The following HDAC9 variants were observed in gnomAD, a reference collection of about 807,000 sequenced individuals.
HDAC9 encodes the protein MEF-2 interacting transcription repressor (MITR) protein.
A neutral mutation model predicts 139.4 loss-of-function variants in HDAC9; 41 were observed. The ratio of observed to expected loss-of-function variants is 0.29; its 90% CI spans 0.23 to 0.38. HDAC9 has a LOEUF of 0.38. HDAC9 is among the 10% of genes least tolerant of loss of function. HDAC9 has a pLI of 1.00. For synonymous variants in HDAC9, 517 were observed against 476.2 expected, an observed-to-expected ratio of 1.09 and a Z score of -1.12; for missense variants, 1,147 against 1,297.0, an observed-to-expected ratio of 0.88 and a Z score of 1.78.
intron 6 of HDAC9, among the ~76,000 whole-genome samples, chr7:18,599,467 T>TC (rs1833365466): frequency 6.6e-6 from 1 of 152,130 alleles, no homozygotes; most frequent in South Asian, 2.1e-4. Context: ...CTATTCATCC[T>TC]CCCCCCACCC....
At chr7:18,542,329 C>T (rs1813262287) in intron 2 of HDAC9, among the ~76,000 whole-genome samples, 1 of 152,180 alleles carries the variant, frequency 6.6e-6, no homozygotes, top group Non-Finnish European at 1.5e-5. Flanking sequence ...CTCTATACCT[C>T]AATTTCCTCA....
At chr7:18,392,562 C>T (rs1786632549) in intron 1 of HDAC9, among the ~76,000 whole-genome samples, 1 of 151,614 alleles carries the variant, frequency 6.6e-6, no homozygotes, top group African/African-American at 2.4e-5. Flanking sequence ...AAATCCTGTT[C>T]TCACTCTGGC....
intron 17 of HDAC9, among the ~76,000 whole-genome samples, chr7:18,825,614 A>G (rs1314762468): frequency 6.6e-6 from 1 of 151,898 alleles, no homozygotes; most frequent in Non-Finnish European, 1.5e-5. Context: ...AGGACAGACC[A>G]CCTTTTCAAG....
intron 12 of HDAC9, among the ~76,000 whole-genome samples, chr7:18,701,601 G>A (rs1187628136): frequency 1.3e-5 from 2 of 152,094 alleles, no homozygotes; most frequent in Non-Finnish European, 2.9e-5. Flanking sequence ...AAAATACAAT[G>A]CTGTTTCAAA....
intron 17 of HDAC9, among the ~76,000 whole-genome samples, chr7:18,793,832 G>T (rs1792546380): frequency 1.3e-5 from 2 of 152,162 alleles, no homozygotes; most frequent in Non-Finnish European, 2.9e-5. Flanking sequence ...TATAAGCTCA[G>T]AATACCACCC....
intron 1 of HDAC9, chr7:18,151,751 TATC>T (rs1179525268): frequency 6.6e-6 from 1 of 152,200 alleles, no homozygotes; most frequent in Non-Finnish European, 1.5e-5. Context: ...TACAACAAAC[TATC>T]ATCATGTTAC....
At chr7:18,972,021 A>G (rs149165556) in intron 24 of HDAC9, among the ~76,000 whole-genome samples, 1 of 152,354 alleles carries the variant, frequency 6.6e-6, no homozygotes, top group East Asian at 1.9e-4. Flanking sequence ...GTTGAGAAAT[A>G]AGACCCAATG....
intron 22 of HDAC9, among the ~76,000 whole-genome samples, chr7:18,933,512 G>A (rs1025672741): frequency 6.6e-6 from 1 of 151,958 alleles, no homozygotes; most frequent in Non-Finnish European, 1.5e-5. Context: ...TTGGAGGTTA[G>A]AATTTCCATA....
intron 1 of HDAC9, among the ~76,000 whole-genome samples, chr7:18,116,348 T>A (rs1321333823): frequency 6.6e-6 from 1 of 152,196 alleles, no homozygotes; most frequent in Non-Finnish European, 1.5e-5. Flanking sequence ...TTGCTAAAAT[T>A]TTTTGAAAAG....
At chr7:18,757,832 T>C (rs1789019202) in intron 14 of HDAC9, among the ~76,000 whole-genome samples, 1 of 152,152 alleles carries the variant, frequency 6.6e-6, no homozygotes. Flanking sequence ...ATAATCGGGA[T>C]GCATTAACGG....
intron 1 of HDAC9, among the ~76,000 whole-genome samples, chr7:18,320,025 T>C (rs1799919012): frequency 6.6e-6 from 1 of 152,132 alleles, no homozygotes; most frequent in Non-Finnish European, 1.5e-5. Flanking sequence ...GAACTAAAGA[T>C]TTTTTTTCAC....
At chr7:18,143,317 C>T (rs1786048085) in intron 1 of HDAC9, among the ~76,000 whole-genome samples, 1 of 152,156 alleles carries the variant, frequency 6.6e-6, no homozygotes, top group Non-Finnish European at 1.5e-5. Context: ...ACACAACTGA[C>T]TACATTAAGA....
intron 2 of HDAC9, among the ~76,000 whole-genome samples, chr7:18,257,803 A>G (rs773459891): frequency 2.0e-5 from 3 of 152,250 alleles, no homozygotes; most frequent in Non-Finnish European, 4.4e-5. Context: ...ATACATGTTT[A>G]TAATGCTTTG....
In HDAC9 at chr7:18,864,478, T is replaced by C. The variant is rs539390761; in HGVS notation, c.2685-10000T>C. ...AAAATGGGGAGTTGCTCAAAGGATATAAAGTTTCAGTTATGTAGGATGATG... is the reference window on the plus strand; with the variant it reads ...AAAATGGGGAGTTGCTCAAAGGATACAAAGTTTCAGTTATGTAGGATGATG... On this transcript the variant is annotated intron_variant, in intron 21 of 25. Transcript: ENST00000686413. Among the ~76,000 whole-genome samples the C allele has an allele frequency of 8.5e-5, 13 of 152,158 alleles. No individual in the cohort carries two copies. In the South Asian group the frequency reaches 1.7e-3, roughly 20 times the overall value.
At chr7:18,656,467 G>A (rs1299770562) in intron 11 of HDAC9, among the ~76,000 whole-genome samples, 1 of 152,036 alleles carries the variant, frequency 6.6e-6, no homozygotes, top group Non-Finnish European at 1.5e-5. Flanking sequence ...TCTATCAAAT[G>A]CATAGCTCAC....
intron 1 of HDAC9, among the ~76,000 whole-genome samples, chr7:18,349,305 TCTACAC>T (rs1782665535): frequency 1.0e-5 from 1 of 96,944 alleles, no homozygotes; most frequent in Non-Finnish European, 1.9e-5. Context: ...CTTGAGAACA[TCTACAC>T]ACACACACAC....
intron 22 of HDAC9, among the ~76,000 whole-genome samples, chr7:18,909,204 T>G (rs1441136472): frequency 6.6e-6 from 1 of 152,088 alleles, no homozygotes; most frequent in Non-Finnish European, 1.5e-5. Flanking sequence ...TTTTAAGAAA[T>G]GATTATTCTG....
intron 22 of HDAC9, among the ~76,000 whole-genome samples, chr7:18,898,620 G>A (rs1055789831): frequency 6.6e-6 from 1 of 151,910 alleles, no homozygotes; most frequent in Non-Finnish European, 1.5e-5. Context: ...TATGTACTCA[G>A]AGAAAGGGTG....
chr7:18,375,555 C>T (rs368708371), intron 1 of HDAC9, among the ~76,000 whole-genome samples: 1 of 152,058 alleles, frequency 6.6e-6, no homozygotes, highest in East Asian at 1.9e-4. Flanking sequence ...GTTGTCCTTT[C>T]CTTTTCTCCT....
Sources: gnomAD v4.1 joint callset for allele counts (sites outside exome capture counted in the v4.1 genomes callset) on GRCh38, gnomAD v4.1.1 for gene constraint, MANE v1.5 for transcripts, NCBI Gene and HGNC (gene_info 2026-07-23, HGNC 2026-07-21) for gene names.